UGT1A5: variants seen among roughly 807,000 people sequenced by gnomAD.
UGT1A5 encodes UDP-glucuronosyltransferase 1A5.
Under a neutral mutation model 40.3 loss-of-function variants are expected in UGT1A5, and 29 were observed. That is an observed-to-expected ratio of 0.72 (90% CI 0.54 to 0.98). UGT1A5 has a LOEUF of 0.98. Ranked by LOEUF, UGT1A5 falls within the 50% of genes least tolerant of loss-of-function variation. UGT1A5 has a pLI of 0.00. For missense variants in UGT1A5, 678 were observed against 677.9 expected (o/e 1.00, Z 0.00); for synonymous variants, 257 against 262.5 (o/e 0.98, Z 0.20).
Position 233,769,464 on chromosome 2 carries a change from CGTGTGTGT to C in UGT1A5, c.1307+1033_1307+1040del. 6.7e-7 allele frequency: 1 copy of C among 1,503,278 alleles called. No homozygotes were observed. The highest frequency in any genetic ancestry group is 9.1e-7 in the Non-Finnish European group (1 of 1,095,312). The allele number at this position is 1,503,278 out of a possible 1,614,324, so 93.1% of individuals were successfully genotyped here. A position where few individuals can be genotyped will look rare whatever the true frequency, so the allele number is the denominator to read the frequency against. Reference sequence around the variant, plus strand: ...GGGTGCACACGTGTGCATTCATATGCGTGTGTGTGTGTGTGCGTGTGTTTATGAGAGTG... The same window carrying C: ...GGGTGCACACGTGTGCATTCATATGCGTGTGTGCGTGTGTTTATGAGAGTG... On this transcript the variant is annotated intron_variant, in intron 4 of 4. Transcript: ENST00000373414. The surrounding 1 kb of genome is among the most constrained non-coding windows in gnomAD (Gnocchi z 4.4).
chr2:233,760,507 T>C (rs1199756469), intron 1 of UGT1A5: 2 of 1,614,154 alleles, frequency 1.2e-6, no homozygotes, highest in South Asian at 1.1e-5. Context: ...CGGAGCATTT[T>C]ACACCTTGAA....
chr2:233,728,563 T>C (rs1454044996), intron 1 of UGT1A5, among the ~76,000 whole-genome samples: 1 of 152,134 alleles, frequency 6.6e-6, no homozygotes, highest in African/African-American at 2.4e-5. Flanking sequence ...TTACAAGAAA[T>C]ATCCTGGTGC....
In UGT1A5 at chr2:233,713,462, C is replaced by G. The variant is rs146711966; in HGVS notation, c.471C>G (p.Cys157Trp). 6.2e-7 allele frequency: 1 copy of G among 1,614,090 alleles called. No homozygotes were observed. The highest frequency in any genetic ancestry group is 1.7e-5 in the Admixed American group (1 of 60,024). ...TTCTAACAGACCCCTTTCACCTCTGCGCGGCGGTGCTGGCTAAGTACCTGT... is the reference window on the plus strand; with the variant it reads ...TTCTAACAGACCCCTTTCACCTCTGGGCGGCGGTGCTGGCTAAGTACCTGT... The part of the protein sequence containing the change: ...DVVLTDPFHL[C>W]AAVLAKYLSI... The change falls in exon 1 of 5, where the codon TGC becomes TGG. Residue 157 changes from cysteine to tryptophan, a missense_variant. Coordinates refer to ENST00000373414, the MANE Select transcript of UGT1A5 (RefSeq NM_019078.2).
At chr2:233,753,439 T>G (rs1321423136) in intron 1 of UGT1A5, 3 of 152,230 alleles carry the variant, frequency 2.0e-5, no homozygotes, top group African/African-American at 7.2e-5. Flanking sequence ...TGGTTAATGA[T>G]GTGTTCAGGC....
intron 1 of UGT1A5, among the ~76,000 whole-genome samples, chr2:233,742,480 C>T (rs1691993513): frequency 6.6e-6 from 1 of 151,918 alleles, no homozygotes; most frequent in Non-Finnish European, 1.5e-5. Flanking sequence ...AACTCACAAC[C>T]TTCAGCATAG....
In UGT1A5 at chr2:233,769,736, T is replaced by C. The variant is rs1415322181; in HGVS notation, c.1307+1297T>C. 6.9e-6 allele frequency: 10 copies of C among 1,453,324 alleles called. No individual in the cohort carries two copies. Among genetic ancestry groups the C allele is most frequent in the Non-Finnish European group, 9.1e-6 (10 of 1,101,886 alleles). The allele number at this position is 1,453,324 out of a possible 1,614,324, so 90.0% of individuals were successfully genotyped here. A position where few individuals can be genotyped will look rare whatever the true frequency, so the allele number is the denominator to read the frequency against. The stretch of plus-strand genomic sequence containing the variant: ...TAGGCACCATGGCACACGCCTGTAG[T>C]CCCAGCCACTCTGGAGGCTAAGGCG... On this transcript the variant is annotated intron_variant, in intron 4 of 4. Coordinates refer to ENST00000373414, the MANE Select transcript of UGT1A5 (RefSeq NM_019078.2). The surrounding 1 kb of genome is among the most constrained non-coding windows in gnomAD (Gnocchi z 4.4).
rs774409308 is a variant in UGT1A5, at chr2:233,719,538, CAG to C, written c.867+5687_867+5688del. 13 of 1,613,912 alleles carry C rather than the reference CAG, an allele frequency of 8.1e-6. No individual in the cohort carries two copies. In the South Asian group the frequency reaches 9.9e-5, roughly 12 times the overall value. ...TGCAAGTCTTGCCTCTGAGCTTTTT[CAG>C]AGAGAGGTGTCAGTGGTGGATCTTG... On this transcript the variant is annotated intron_variant, in intron 1 of 4. Coordinates refer to ENST00000373414, the MANE Select transcript of UGT1A5 (RefSeq NM_019078.2).
chr2:233,741,084 C>G (rs1460124994), intron 1 of UGT1A5, among the ~76,000 whole-genome samples: 1 of 151,860 alleles, frequency 6.6e-6, no homozygotes, highest in Non-Finnish European at 1.5e-5. Context: ...GTCTTTAAAA[C>G]AAACAAGCAA....
At chr2:233,754,611 T>C (rs562553027) in intron 1 of UGT1A5, 1 of 437,308 alleles carries the variant, frequency 2.3e-6, no homozygotes, top group Non-Finnish European at 4.6e-6. Context: ...CAACTCTCCA[T>C]CTTCCTCCAC....
intron 1 of UGT1A5, among the ~76,000 whole-genome samples, chr2:233,737,264 C>T (rs890532000): frequency 3.3e-5 from 5 of 152,196 alleles, no homozygotes; most frequent in South Asian, 2.1e-4. Flanking sequence ...TCAGCAATGG[C>T]GGACACCCCT....
intron 1 of UGT1A5, chr2:233,719,474 G>C: frequency 6.2e-7 from 1 of 1,613,940 alleles, no homozygotes. Context: ...TCTACCCTCT[G>C]GCCCTGTCCT....
intron 1 of UGT1A5, among the ~76,000 whole-genome samples, chr2:233,727,321 C>T (rs1225284066): frequency 6.6e-6 from 1 of 152,152 alleles, no homozygotes; most frequent in African/African-American, 2.4e-5. Flanking sequence ...TTCCCAGGCA[C>T]CAGGAGCTCC....
chr2:233,719,799 G>C, intron 1 of UGT1A5: 11 of 1,603,246 alleles, frequency 6.9e-6, no homozygotes, highest in Non-Finnish European at 8.5e-6. Context: ...ATTTTATTTT[G>C]GCTTCTTTAT....
At chr2:233,770,661 TAAAAA>T (rs112650156) in intron 4 of UGT1A5, 1 of 137,296 alleles carries the variant, frequency 7.3e-6, no homozygotes, top group Non-Finnish European at 1.6e-5. Flanking sequence ...CCGTCTTACT[TAAAAA>T]AAAAAAAAAG....
In UGT1A5 at chr2:233,719,145, A is replaced by G. The variant is rs539093785; in HGVS notation, c.867+5287A>G. On this transcript the variant is annotated intron_variant, in intron 1 of 4. Transcript: ENST00000373414. ...CTTTGAAACAGAACATCTTCTGAAG[A>G]GATATTCTAGAAGTATGGCAATTAT... The G allele has an allele frequency of 3.7e-5, 59 of 1,614,252 alleles. No homozygotes were observed. In the East Asian group the frequency reaches 9.8e-4, roughly 27 times the overall value.
intron 1 of UGT1A5, among the ~76,000 whole-genome samples, chr2:233,736,405 A>G (rs1182654353): frequency 4.6e-5 from 7 of 152,208 alleles, no homozygotes; most frequent in Non-Finnish European, 1.0e-4. Context: ...CTAGTTAGGC[A>G]TTCATCTAAC....
Position 233,772,595 on chromosome 2 carries a change from T to C in UGT1A5, c.*36T>C. On this transcript the variant is annotated 3_prime_UTR_variant, in exon 5 of 5. Transcript: ENST00000373414. ...GGAAATAAGGTAAAATTTTGAACCA[T>C]TCCCTAGTCATTTCCAAACTTGAAA... 1 of 1,596,790 alleles carries C rather than the reference T, an allele frequency of 6.3e-7. No homozygotes were observed. Among genetic ancestry groups the C allele is most frequent in the Non-Finnish European group, 8.5e-7 (1 of 1,170,806 alleles).
At chr2:233,758,681 T>C (rs543730611) in intron 1 of UGT1A5, among the ~76,000 whole-genome samples, 2 of 152,218 alleles carry the variant, frequency 1.3e-5, no homozygotes, top group Admixed American at 6.5e-5. Context: ...ATATGTCCCA[T>C]AGGACACCAA....
intron 1 of UGT1A5, chr2:233,743,543 C>G: frequency 7.3e-7 from 1 of 1,367,070 alleles, no homozygotes; most frequent in Non-Finnish European, 9.8e-7. Context: ...TTCCTCTGAC[C>G]CCCCCAAAAT....
Sources: allele counts gnomAD v4.1 joint callset (sites outside exome capture counted in the v4.1 genomes callset), GRCh38; gene constraint gnomAD v4.1.1; non-coding constraint Gnocchi (gnomAD v3.1); transcripts MANE v1.5; gene names NCBI Gene and HGNC (gene_info 2026-07-23, HGNC 2026-07-21).